The following STIM1 variants were observed in gnomAD, a reference collection of about 807,000 sequenced individuals.
The protein encoded by STIM1 is stromal interaction molecule 1.
In STIM1, 25 loss-of-function variants were observed where a neutral mutation model predicts 74.7. The ratio of observed to expected loss-of-function variants is 0.33; its 90% CI spans 0.24 to 0.47. The LOEUF is 0.47. Among genes scored for constraint, STIM1 ranks in the 20% least tolerant of loss-of-function variants. STIM1 has a pLI of 1.00. For missense variants in STIM1, 728 were observed against 920.8 expected, an observed-to-expected ratio of 0.79 and a Z score of 2.71; for synonymous variants, 328 against 348.8, an observed-to-expected ratio of 0.94 and a Z score of 0.66.
At chr11:4,015,120 A>G (rs946290566) in intron 2 of STIM1, among the ~76,000 whole-genome samples, 6 of 152,178 alleles carry the variant, frequency 3.9e-5, no homozygotes, top group Non-Finnish European at 7.3e-5. Context: ...TTTGCCCATT[A>G]ATTGATGCAG....
intron 2 of STIM1, among the ~76,000 whole-genome samples, chr11:4,002,617 T>G (rs1189074912): frequency 0.012 from 1,815 of 149,294 alleles, 27 homozygotes; most frequent in African/African-American, 0.043. Flanking sequence ...TAGCACTAAA[T>G]GCCCACAAGA....
chr11:3,906,182 G>A (rs543807407), intron 1 of STIM1, among the ~76,000 whole-genome samples: 1 of 152,366 alleles, frequency 6.6e-6, no homozygotes, highest in African/African-American at 2.4e-5. Context: ...CTGAGCTGTA[G>A]GATGCACTCT....
chr11:3,856,195 A>G lies in STIM1; in HGVS notation c.-76A>G, dbSNP rs562158209. ...ATCTTGCCTGGAGACCGTCGGCTGC[A>G]CTCCCGGGCTCCTGGCTTTGCCTCT... On this transcript the variant is annotated 5_prime_UTR_variant, in exon 1 of 13. Transcript: ENST00000526596. 3.0e-5 allele frequency: 48 copies of G among 1,596,766 alleles called. No homozygotes were observed. In the African/African-American group the frequency reaches 5.1e-4, roughly 17 times the overall value.
intron 1 of STIM1, among the ~76,000 whole-genome samples, chr11:3,933,715 A>G (rs928371501): frequency 6.6e-6 from 1 of 152,274 alleles, no homozygotes; most frequent in Non-Finnish European, 1.5e-5. Context: ...GCCGTCTACA[A>G]TGTATTTTTG....
intron 1 of STIM1, among the ~76,000 whole-genome samples, chr11:3,940,083 C>T (rs1207724354): frequency 2.6e-5 from 4 of 152,164 alleles, no homozygotes; most frequent in African/African-American, 7.2e-5. Context: ...AGACCTTTTT[C>T]CTTAACTCCA....
At position 3,908,700 on chromosome 11, in the gene STIM1, T is replaced by A. The variant is rs1242259307; in HGVS notation, c.139+52291T>A. 5.9e-5 allele frequency among the ~76,000 whole-genome samples: 9 copies of A among 152,110 alleles called. No homozygotes were observed. In the South Asian group the frequency reaches 1.5e-3, roughly 25 times the overall value. ...TGCTTAATACATTGTCAAGCTCAAA[T>A]AAAATGTTATAGAAAGATGGCTTAT... On this transcript the variant is annotated intron_variant, in intron 1 of 12. Coordinates refer to ENST00000526596, the MANE Select transcript of STIM1 (RefSeq NM_001382567.1).
intron 2 of STIM1, among the ~76,000 whole-genome samples, chr11:3,993,853 A>G (rs1051936656): frequency 6.6e-6 from 1 of 152,164 alleles, no homozygotes; most frequent in Admixed American, 6.5e-5. Context: ...TCTGGATTTT[A>G]TTATTTAATC....
chr11:4,059,736 G>T (rs2094317548), intron 5 of STIM1, among the ~76,000 whole-genome samples: 1 of 152,128 alleles, frequency 6.6e-6, no homozygotes, highest in East Asian at 1.9e-4. Context: ...GGCTAGTGAA[G>T]GTATCCTATA....
intron 2 of STIM1, chr11:3,973,969 T>C (rs7928117): frequency 0.053 from 33,839 of 643,142 alleles, 1,934 homozygotes; most frequent in African/African-American, 0.19. Flanking sequence ...CATGTGGTCT[T>C]TGAGAATCTT....
intron 2 of STIM1, among the ~76,000 whole-genome samples, chr11:3,977,023 G>A (rs1444915183): frequency 6.6e-6 from 1 of 152,094 alleles, no homozygotes; most frequent in Non-Finnish European, 1.5e-5. Context: ...TTGAACTTCT[G>A]ACCTCAGGTG....
intron 1 of STIM1, among the ~76,000 whole-genome samples, chr11:3,933,299 G>A (rs1261087934): frequency 6.6e-6 from 1 of 152,174 alleles, no homozygotes; most frequent in African/African-American, 2.4e-5. Context: ...GGGAAGTTAG[G>A]TTATTGAAAC....
chr11:4,017,562 C>T (rs529435500), intron 2 of STIM1, among the ~76,000 whole-genome samples: 1 of 152,208 alleles, frequency 6.6e-6, no homozygotes, highest in Non-Finnish European at 1.5e-5. Flanking sequence ...CAGATGGTTT[C>T]CTGGAGTTAT....
At chr11:3,948,487 T>C (rs1057170695) in intron 1 of STIM1, among the ~76,000 whole-genome samples, 1 of 152,140 alleles carries the variant, frequency 6.6e-6, no homozygotes, top group Non-Finnish European at 1.5e-5. Flanking sequence ...TTTAGAAAAA[T>C]ACATTATTAT....
At chr11:3,912,336 AC>A (rs2092578149) in intron 1 of STIM1, among the ~76,000 whole-genome samples, 1 of 149,742 alleles carries the variant, frequency 6.7e-6, no homozygotes, top group African/African-American at 2.5e-5. Context: ...CTGAACAATA[AC>A]TGCAAACTTC....
chr11:4,059,267 C>T lies in STIM1; in HGVS notation c.498-14C>T. The T allele has an allele frequency of 6.2e-7, 1 of 1,611,344 alleles. No homozygotes were observed. Among genetic ancestry groups the T allele is most frequent in the Non-Finnish European group, 8.5e-7 (1 of 1,177,518 alleles). ...ACTGGGAGGGAACTGATCTGCTACT[C>T]TTTGCCTCAACAGGCTGGCTGTCAC... On this transcript the variant is annotated splice_polypyrimidine_tract_variant and intron_variant, in intron 4 of 12. Transcript: ENST00000526596.
intron 1 of STIM1, among the ~76,000 whole-genome samples, chr11:3,948,889 AAT>A (rs1182358386): frequency 6.6e-6 from 1 of 152,224 alleles, no homozygotes; most frequent in Admixed American, 6.5e-5. Context: ...CACGAATGCA[AAT>A]ACCAATTTCT....
chr11:4,012,648 T>A (rs1271979087), intron 2 of STIM1, among the ~76,000 whole-genome samples: 6 of 152,256 alleles, frequency 3.9e-5, no homozygotes, highest in Non-Finnish European at 8.8e-5. Context: ...GTTTTCTAAA[T>A]ATACAATCAT....
Position 4,032,242 on chromosome 11 carries a change from G to A in STIM1, c.385+8255G>A, listed in dbSNP as rs141277077. 5.6e-3 allele frequency among the ~76,000 whole-genome samples: 859 copies of A among 152,276 alleles called. 11 individuals carry two copies. Among genetic ancestry groups the A allele is most frequent in the African/African-American group, 0.02 (832 of 41,536 alleles). On this transcript the variant is annotated intron_variant, in intron 3 of 12. Coordinates refer to ENST00000526596, the MANE Select transcript of STIM1 (RefSeq NM_001382567.1). ...CCAGCTATTCAGGTGGCTGAGGTGG[G>A]GTGGGTGGGTGAAAACTGCTTGAGC...
At chr11:4,090,353 A>G (rs1057033673) in intron 12 of STIM1, among the ~76,000 whole-genome samples, 2 of 152,134 alleles carry the variant, frequency 1.3e-5, no homozygotes, top group African/African-American at 4.8e-5. Flanking sequence ...ACTGCTCTTT[A>G]AAGGCCAACA....
Sources: allele counts gnomAD v4.1 joint callset (sites outside exome capture counted in the v4.1 genomes callset), GRCh38; gene constraint gnomAD v4.1.1; transcripts MANE v1.5; gene names NCBI Gene and HGNC (gene_info 2026-07-23, HGNC 2026-07-21).